AGMO: variants seen among roughly 807,000 people sequenced by gnomAD.
AGMO encodes the protein glyceryl-ether monooxygenase.
A neutral mutation model predicts 60.2 loss-of-function variants in AGMO; 75 were observed. That is an observed-to-expected ratio of 1.25 (90% CI 1.03 to 1.51). AGMO has a LOEUF of 1.51. Ranked by LOEUF, AGMO falls within the 40% of genes most tolerant of loss-of-function variation. The pLI, the probability that AGMO is intolerant of heterozygous loss-of-function variation, is 0.00. For synonymous variants in AGMO, 261 were observed against 177.1 expected (o/e 1.47, Z -3.76); for missense variants, 763 against 525.5 (o/e 1.45, Z -4.42).
chr7:15,505,318 T>A lies in AGMO; in HGVS notation c.409+39454A>T, dbSNP rs537482146. 8.5e-5 allele frequency among the ~76,000 whole-genome samples: 13 copies of A among 152,088 alleles called. No homozygotes were observed. The South Asian group carries it at 2.1e-3, about 24-fold the overall frequency. On this transcript the variant is annotated intron_variant, in intron 3 of 12. Coordinates refer to ENST00000342526, the MANE Select transcript of AGMO (RefSeq NM_001004320.2). ...TGAGTAGTATAGATGATGGGCCATA[T>A]AGCCAAGGTAGGATGAGACGGAGAC...
intron 12 of AGMO, among the ~76,000 whole-genome samples, chr7:15,216,804 A>G (rs560539248): frequency 6.6e-5 from 10 of 151,260 alleles, no homozygotes; most frequent in African/African-American, 2.4e-4. Context: ...ACGTTCCTAT[A>G]TAAGTGCAAG....
chr7:15,288,234 G>A (rs1304791136), intron 12 of AGMO, among the ~76,000 whole-genome samples: 2 of 151,822 alleles, frequency 1.3e-5, no homozygotes, highest in East Asian at 1.9e-4. Context: ...GAGTTTCACC[G>A]TGTTAGCCAG....
intron 4 of AGMO, 143 bp downstream of exon 4, chr7:15,430,862 T>G (rs1280781940): frequency 4.0e-6 from 2 of 502,432 alleles, no homozygotes; most frequent in South Asian, 3.7e-5. Flanking sequence ...AAGAAAGATT[T>G]TAGCATCTGG....
At chr7:15,385,192 TTC>T (rs1437269886) in intron 10 of AGMO, among the ~76,000 whole-genome samples, 1 of 152,190 alleles carries the variant, frequency 6.6e-6, no homozygotes, top group Non-Finnish European at 1.5e-5. Flanking sequence ...GGCAAATAAT[TTC>T]TTATTTATCA....
downstream of AGMO, among the ~76,000 whole-genome samples, chr7:15,198,702 T>C (rs1281994543): frequency 6.6e-6 from 1 of 151,966 alleles, no homozygotes; most frequent in Non-Finnish European, 1.5e-5. Flanking sequence ...AGGTCAGAGA[T>C]AAAAATCAAA....
At chr7:15,542,023 A>T (rs1054367097) in intron 3 of AGMO, among the ~76,000 whole-genome samples, 8 of 152,292 alleles carry the variant, frequency 5.3e-5, no homozygotes, top group Middle Eastern at 3.4e-3. Context: ...AATAAATCTG[A>T]CCAGTTATTC....
intron 3 of AGMO, among the ~76,000 whole-genome samples, chr7:15,460,718 C>T (rs1009690090): frequency 6.6e-6 from 1 of 151,840 alleles, no homozygotes. Flanking sequence ...AAAAATATGC[C>T]AAATATATAC....
the AGMO span, among the ~76,000 whole-genome samples, chr7:15,158,976 G>C: frequency 3.9e-5 from 6 of 152,140 alleles, no homozygotes; most frequent in East Asian, 1.9e-4. Context: ...GTTGGGGTGA[G>C]GGGTAGATAA....
intron 12 of AGMO, among the ~76,000 whole-genome samples, chr7:15,297,406 C>T (rs1563074590): frequency 6.6e-6 from 1 of 152,028 alleles, no homozygotes; most frequent in Non-Finnish European, 1.5e-5. Flanking sequence ...TTTTTCAAGT[C>T]AAATATCATT....
the AGMO span, among the ~76,000 whole-genome samples, chr7:15,142,316 G>A: frequency 8.5e-5 from 13 of 152,218 alleles, no homozygotes; most frequent in African/African-American, 2.9e-4. Context: ...CAAGGTCCAA[G>A]TGAAATATGG....
intron 3 of AGMO, among the ~76,000 whole-genome samples, chr7:15,497,134 G>A (rs1231800742): frequency 1.3e-5 from 2 of 152,144 alleles, no homozygotes; most frequent in African/African-American, 4.8e-5. Flanking sequence ...CCTACAATTA[G>A]CCAGTGTTTG....
At chr7:15,434,345 C>T (rs965423936) in intron 3 of AGMO, among the ~76,000 whole-genome samples, 1 of 152,052 alleles carries the variant, frequency 6.6e-6, no homozygotes, top group African/African-American at 2.4e-5. Context: ...AATCTCCTAC[C>T]TTTGAGTGTG....
At chr7:15,458,779 C>T (rs576059001) in intron 3 of AGMO, among the ~76,000 whole-genome samples, 7 of 152,120 alleles carry the variant, frequency 4.6e-5, no homozygotes, top group South Asian at 2.1e-4. Context: ...TTGCCTAAGA[C>T]GACACAACCA....
chr7:15,432,645 C>T (rs1366049357), intron 3 of AGMO, among the ~76,000 whole-genome samples: 1 of 151,738 alleles, frequency 6.6e-6, no homozygotes, highest in African/African-American at 2.4e-5. Context: ...TCAACCACAG[C>T]AGATATGTAA....
At chr7:15,293,895 C>A (rs551703693) in intron 12 of AGMO, among the ~76,000 whole-genome samples, 7 of 152,226 alleles carry the variant, frequency 4.6e-5, no homozygotes, top group Middle Eastern at 6.8e-3. Flanking sequence ...GTATTCAGAA[C>A]ACACAGAGGT....
intron 12 of AGMO, among the ~76,000 whole-genome samples, chr7:15,253,613 T>C (rs2128507222): frequency 6.6e-6 from 1 of 152,312 alleles, no homozygotes; most frequent in South Asian, 2.1e-4. Context: ...CAATGTGTTG[T>C]TTCCATATGT....
chr7:15,437,538 T>C (rs989989805), intron 3 of AGMO, among the ~76,000 whole-genome samples: 2 of 60,266 alleles, frequency 3.3e-5, no homozygotes, highest in African/African-American at 1.4e-4. Flanking sequence ...TTCCTTTTTT[T>C]TTTTTTTTTT....
chr7:15,372,683 C>G (rs1783267317), intron 10 of AGMO, among the ~76,000 whole-genome samples: 1 of 152,064 alleles, frequency 6.6e-6, no homozygotes, highest in African/African-American at 2.4e-5. Context: ...TATTTAGTCT[C>G]CTGTGTTTTA....
At chr7:15,430,639 A>AC (rs1290119686) in intron 4 of AGMO, among the ~76,000 whole-genome samples, 3 of 114,598 alleles carry the variant, frequency 2.6e-5, no homozygotes, top group Non-Finnish European at 6.0e-5. Flanking sequence ...TTAAAAAAAA[A>AC]AAAAAAACTG....
Sources: allele counts gnomAD v4.1 joint callset (sites outside exome capture counted in the v4.1 genomes callset), GRCh38; gene constraint gnomAD v4.1.1; transcripts MANE v1.5; gene names NCBI Gene and HGNC (gene_info 2026-07-23, HGNC 2026-07-21).